ZNF385B: variants seen among roughly 807,000 people sequenced by gnomAD.
ZNF385B encodes zinc finger protein 385B, also known as zinc finger protein 533.
ZNF385B carries 23 observed loss-of-function variants against 39.2 expected under a neutral mutation model. That is an observed-to-expected ratio of 0.59 (90% CI 0.42 to 0.83). The LOEUF (loss-of-function observed/expected upper bound fraction) is 0.83. Ranked by LOEUF, ZNF385B falls within the 40% of genes least tolerant of loss-of-function variation. The pLI is 0.00. For missense variants in ZNF385B, 552 were observed against 598.9 expected, an observed-to-expected ratio of 0.92 and a Z score of 0.82; for synonymous variants, 205 against 222.6, an observed-to-expected ratio of 0.92 and a Z score of 0.70.
At chr2:179,780,654 C>G (rs1704611758) in intron 1 of ZNF385B, among the ~76,000 whole-genome samples, 1 of 152,180 alleles carries the variant, frequency 6.6e-6, no homozygotes, top group Non-Finnish European at 1.5e-5. Flanking sequence ...ATTCCTTTCT[C>G]TCTAAGAAAA....
At chr2:179,486,247 T>C (rs888225957) in intron 5 of ZNF385B, among the ~76,000 whole-genome samples, 1 of 152,198 alleles carries the variant, frequency 6.6e-6, no homozygotes. Flanking sequence ...TTTTAGATCA[T>C]TTAATCCTTA....
rs116132852 is a variant in ZNF385B, at chr2:179,550,190, T to G, written c.299-5221A>C. Among the ~76,000 whole-genome samples the G allele has an allele frequency of 5.7e-3, 853 of 149,648 alleles. 100 individuals are homozygous for G. Among genetic ancestry groups the G allele is most frequent in the African/African-American group, 0.021 (823 of 39,818 alleles). The stretch of plus-strand genomic sequence containing the variant: ...AAGTAAGGTATAGACTAATTGTACT[T>G]AAAGCTGAATGATAAACAAATGTGT... On this transcript the variant is annotated intron_variant, in intron 3 of 9. Coordinates refer to ENST00000410066, the MANE Select transcript of ZNF385B (RefSeq NM_152520.6).
At position 179,634,245 on chromosome 2, in the gene ZNF385B, C is replaced by G. The variant is rs181419869; in HGVS notation, c.299-89276G>C. On this transcript the variant is annotated intron_variant, in intron 3 of 9. Coordinates refer to ENST00000410066, the MANE Select transcript of ZNF385B (RefSeq NM_152520.6). Reference sequence around the variant, plus strand: ...AAAGAGCTCTGCACAGCAAAAGAAACTACTATCAGAGTGATCAGGCAACCT... The same window carrying G: ...AAAGAGCTCTGCACAGCAAAAGAAAGTACTATCAGAGTGATCAGGCAACCT... 3.9e-3 allele frequency among the ~76,000 whole-genome samples: 599 copies of G among 152,204 alleles called. 4 individuals are homozygous for G. The highest frequency in any genetic ancestry group is 0.012 in the African/African-American group (496 of 41,518).
chr2:179,745,733 C>T (rs1212951555), intron 3 of ZNF385B: 1 of 1,543,302 alleles, frequency 6.5e-7, no homozygotes, highest in Non-Finnish European at 8.7e-7. Flanking sequence ...AAGTCCACTC[C>T]ACATCCTGGC....
At chr2:179,821,565 C>T (rs945526365) in intron 1 of ZNF385B, among the ~76,000 whole-genome samples, 2 of 152,106 alleles carry the variant, frequency 1.3e-5, no homozygotes, top group African/African-American at 4.8e-5. Flanking sequence ...GGACACTTCA[C>T]AGTTTCCCAG....
At chr2:179,657,505 C>T (rs974224070) in intron 3 of ZNF385B, among the ~76,000 whole-genome samples, 3 of 152,178 alleles carry the variant, frequency 2.0e-5, no homozygotes, top group Admixed American at 2.0e-4. Flanking sequence ...TTTACTCCTC[C>T]AGGCCAAAAT....
At chr2:179,711,909 C>CT (rs1700028812) in intron 3 of ZNF385B, among the ~76,000 whole-genome samples, 1 of 65,962 alleles carries the variant, frequency 1.5e-5, no homozygotes, top group Non-Finnish European at 2.9e-5. Context: ...TTTTTTTTTA[C>CT]AAATGGTAGC....
chr2:179,496,983 A>T (rs1034846756), intron 5 of ZNF385B, among the ~76,000 whole-genome samples: 4 of 152,244 alleles, frequency 2.6e-5, no homozygotes, highest in Admixed American at 6.5e-5. Flanking sequence ...TGAGAGGCAG[A>T]GGTTGCAGTG....
At chr2:179,667,341 T>C (rs2106293200) in intron 3 of ZNF385B, among the ~76,000 whole-genome samples, 1 of 152,320 alleles carries the variant, frequency 6.6e-6, no homozygotes, top group South Asian at 2.1e-4. Flanking sequence ...TCACTAATAT[T>C]CTGCAGAAAT....
chr2:179,767,594 G>C (rs1171928883), intron 3 of ZNF385B, among the ~76,000 whole-genome samples: 1 of 152,168 alleles, frequency 6.6e-6, no homozygotes, highest in African/African-American at 2.4e-5. Flanking sequence ...AAATTTGATA[G>C]ATCAAAAGTG....
At chr2:179,608,817 A>G (rs1364399657) in intron 3 of ZNF385B, among the ~76,000 whole-genome samples, 6 of 150,698 alleles carry the variant, frequency 4.0e-5, no homozygotes, top group South Asian at 4.2e-4. Context: ...TCACCATTAC[A>G]ATGTAAGTTC....
intron 5 of ZNF385B, among the ~76,000 whole-genome samples, chr2:179,484,513 A>G (rs951345765): frequency 6.6e-6 from 1 of 152,056 alleles, no homozygotes; most frequent in Non-Finnish European, 1.5e-5. Context: ...TTCTTTATAT[A>G]CTTGTATGTG....
chr2:179,549,278 C>T (rs970571984), intron 3 of ZNF385B, among the ~76,000 whole-genome samples: 3 of 149,512 alleles, frequency 2.0e-5, no homozygotes, highest in Non-Finnish European at 4.4e-5. Context: ...TTTGAATATT[C>T]ATGTACAAGT....
intron 3 of ZNF385B, among the ~76,000 whole-genome samples, chr2:179,579,283 C>T (rs1686209340): frequency 6.6e-6 from 1 of 152,004 alleles, no homozygotes; most frequent in East Asian, 1.9e-4. Flanking sequence ...TTTCTTTAAT[C>T]ATAATTATTA....
intron 6 of ZNF385B, among the ~76,000 whole-genome samples, chr2:179,465,100 A>G (rs1174930616): frequency 6.6e-6 from 1 of 152,052 alleles, no homozygotes; most frequent in Non-Finnish European, 1.5e-5. Flanking sequence ...TGAACTGGAC[A>G]TGATTTTTTT....
chr2:179,532,828 A>G (rs1236178266), intron 4 of ZNF385B, among the ~76,000 whole-genome samples: 4 of 152,218 alleles, frequency 2.6e-5, no homozygotes, highest in Non-Finnish European at 5.9e-5. Flanking sequence ...AGTTGTTGGC[A>G]GTTATCAAAC....
At chr2:179,492,763 A>G (rs2055385429) in intron 5 of ZNF385B, among the ~76,000 whole-genome samples, 1 of 152,172 alleles carries the variant, frequency 6.6e-6, no homozygotes, top group Non-Finnish European at 1.5e-5. Flanking sequence ...AAGATATCTT[A>G]TAATTCAAAA....
At chr2:179,672,821 T>C (rs78888347) in intron 3 of ZNF385B, among the ~76,000 whole-genome samples, 1,583 of 152,282 alleles carry the variant, frequency 0.01, 27 homozygotes, top group African/African-American at 0.036. Flanking sequence ...TTCTGTCGTT[T>C]ATAAGCCACC....
chr2:179,847,925 A>C (rs757037261), intron 1 of ZNF385B, among the ~76,000 whole-genome samples: 1 of 152,238 alleles, frequency 6.6e-6, no homozygotes, highest in Non-Finnish European at 1.5e-5. Flanking sequence ...AAAGAAGCCT[A>C]TAACTAGAGT....
Sources: allele counts gnomAD v4.1 joint callset (sites outside exome capture counted in the v4.1 genomes callset), GRCh38; gene constraint gnomAD v4.1.1; transcripts MANE v1.5; gene names NCBI Gene and HGNC (gene_info 2026-07-23, HGNC 2026-07-21).